Variants in LRRC59 observed in about 807,000 individuals in gnomAD.
The protein encoded by LRRC59 is leucine rich repeat containing 59.
Under a neutral mutation model 33.5 loss-of-function variants are expected in LRRC59, and 18 were observed. That is an observed-to-expected ratio of 0.54 (90% CI 0.37 to 0.80). LRRC59 has a LOEUF of 0.80. LRRC59 is among the 30% of genes least tolerant of loss of function. The pLI is 0.00. For synonymous variants in LRRC59, 138 were observed against 160.0 expected (o/e 0.86, Z 1.04); for missense variants, 330 against 391.9 (o/e 0.84, Z 1.33).
chr17:50,389,685 T>C (rs1445379590), intron 4 of LRRC59, among the ~76,000 whole-genome samples: 1 of 152,184 alleles, frequency 6.6e-6, no homozygotes, highest in Non-Finnish European at 1.5e-5. Flanking sequence ...GAGACAGACA[T>C]GTATATTCAT....
chr17:50,397,356 G>A lies in LRRC59; in HGVS notation c.-39C>T. The A allele has an allele frequency of 6.5e-7, 1 of 1,540,856 alleles. No individual in the cohort carries two copies. The highest frequency in any genetic ancestry group is 1.1e-5 in the South Asian group (1 of 86,960). ...GAGCGGGCCCCGGCTCCGGGGTTCC[G>A]GCGGGTGAAAGGAGCTGAAATGTCG... On this transcript the variant is annotated 5_prime_UTR_variant, in exon 1 of 7. Transcript: ENST00000225972.
intron 6 of LRRC59, among the ~76,000 whole-genome samples, chr17:50,384,847 AG>A (rs1473404850): frequency 6.6e-6 from 1 of 152,166 alleles, no homozygotes; most frequent in Non-Finnish European, 1.5e-5. Context: ...TCTAAAAAAA[AG>A]TGAGACTCTG....
chr17:50,389,567 A>T (rs982281280), intron 4 of LRRC59, among the ~76,000 whole-genome samples: 1 of 152,162 alleles, frequency 6.6e-6, no homozygotes, highest in African/African-American at 2.4e-5. Flanking sequence ...ACTGCTGCTT[A>T]TTTTCTTTAC....
At chr17:50,393,229 G>A (rs534981437) in intron 2 of LRRC59, among the ~76,000 whole-genome samples, 6 of 152,300 alleles carry the variant, frequency 3.9e-5, no homozygotes, top group Admixed American at 3.9e-4. Flanking sequence ...TGAAAATGCA[G>A]AGAACACCTA....
In LRRC59 at chr17:50,383,217, C is replaced by T. The variant is rs763581609; in HGVS notation, c.695G>A (p.Arg232His). The T allele has an allele frequency of 1.6e-5, 25 of 1,552,528 alleles. No homozygotes were observed. Among genetic ancestry groups the T allele is most frequent in the African/African-American group, 6.8e-5 (5 of 73,168 alleles). Residue 232 changes from arginine to histidine, a missense_variant, in exon 7 of 7, where the codon CGT (arginine) becomes CAT (histidine). Transcript: ENST00000225972. ...CTTCCGGGGTGGTGGCTTGCGGGGA[C>T]GGGAGCCAGACTTAGATTCTGGAGG... ...NQAPKSKSGSRPRKPPPRKHT... is the reference protein window; with the variant it reads ...NQAPKSKSGSHPRKPPPRKHT...
chr17:50,397,494 C>T lies in LRRC59; in HGVS notation c.-177G>A. The T allele has an allele frequency of 2.0e-6, 1 of 508,612 alleles. No homozygotes were observed. The highest frequency in any genetic ancestry group is 2.5e-5 in the South Asian group (1 of 39,748). The allele number at this position is 508,612 out of a possible 1,614,324, so 31.5% of individuals were successfully genotyped here. A position where few individuals can be genotyped will look rare whatever the true frequency, so the allele number is the denominator to read the frequency against. ...CACTCCGAGCCTCGCGCCTAGCTCC[C>T]ACCGGTGCCGCGACGACGACCACTT... On this transcript the variant is annotated 5_prime_UTR_variant, in exon 1 of 7. Transcript: ENST00000225972.
chr17:50,390,097 CAA>C (rs57027679), intron 4 of LRRC59, among the ~76,000 whole-genome samples: 21,458 of 84,756 alleles, frequency 0.25, 1,853 homozygotes, highest in Non-Finnish European at 0.32. Context: ...GACTCTGTCT[CAA>C]AAAAAAAAAA....
chr17:50,394,949 T>C lies in LRRC59; in HGVS notation c.145A>G (p.Asn49Asp). Reference sequence around the variant, plus strand: ...CTTACCGGTAGAGTAGTCAGTTTATTACAAGACAGATCCAGGATGGTGGCC... The same window carrying C: ...CTTACCGGTAGAGTAGTCAGTTTATCACAAGACAGATCCAGGATGGTGGCC... ...PKATILDLSC[N>D]KLTTLPSDFC... Residue 49 changes from asparagine to aspartate, a missense_variant, in exon 2 of 7, where the codon AAT becomes GAT. By Grantham distance (23) the Asn-to-Asp change is conservative (BLOSUM62 1). Coordinates refer to ENST00000225972, the MANE Select transcript of LRRC59 (RefSeq NM_018509.4). 1 of 1,608,728 alleles carries C rather than the reference T, an allele frequency of 6.2e-7. No individual in the cohort carries two copies. Among genetic ancestry groups the C allele is most frequent in the Non-Finnish European group, 8.5e-7 (1 of 1,176,166 alleles).
chr17:50,394,646 A>G (rs1032087438), intron 2 of LRRC59, among the ~76,000 whole-genome samples: 2 of 152,190 alleles, frequency 1.3e-5, no homozygotes, highest in African/African-American at 4.8e-5. Context: ...AAAAAAGATG[A>G]GCCCAGTAAG....
intron 5 of LRRC59, among the ~76,000 whole-genome samples, chr17:50,385,723 G>C (rs563996483): frequency 1.3e-5 from 2 of 152,134 alleles, no homozygotes; most frequent in Non-Finnish European, 2.9e-5. Context: ...ATGTGGTATG[G>C]GGGGACAAGT....
At position 50,381,865 on chromosome 17, in the gene LRRC59, C is replaced by G. The variant is rs1271227795; in HGVS notation, c.*1123G>C. On this transcript the variant is annotated 3_prime_UTR_variant, in exon 7 of 7. Transcript: ENST00000225972. ...TGCACCACTTTTCAGCTCCATGATGCTACTTGTTTCCCTTCATATCCTGTT... is the reference window on the plus strand; with the variant it reads ...TGCACCACTTTTCAGCTCCATGATGGTACTTGTTTCCCTTCATATCCTGTT... 3 of 152,676 alleles carry G rather than the reference C, an allele frequency of 2.0e-5. No individual in the cohort carries two copies. The highest frequency in any genetic ancestry group is 7.2e-5 in the African/African-American group (3 of 41,462). The allele number at this position is 152,676 out of a possible 1,614,324, so 9.5% of individuals were successfully genotyped here. A position where few individuals can be genotyped will look rare whatever the true frequency, so the allele number is the denominator to read the frequency against.
At chr17:50,388,545 AACAACCACC>A (rs1242647245) in intron 4 of LRRC59, among the ~76,000 whole-genome samples, 1 of 150,568 alleles carries the variant, frequency 6.6e-6, no homozygotes, top group Admixed American at 6.6e-5. Flanking sequence ...ATCTCAAAAC[AACAACCACC>A]ACCACCACCA....
Position 50,389,583 on chromosome 17 carries a change from G to A in LRRC59, c.430-1451C>T, listed in dbSNP as rs889406502. 2.6e-5 allele frequency among the ~76,000 whole-genome samples: 4 copies of A among 152,230 alleles called. No homozygotes were observed. The East Asian group carries it at 7.7e-4, about 29-fold the overall frequency. ...CTGCTGCTTATTTTCTTTACCATGT[G>A]AGTAAGAAAAAAGAAGAAAACCCAA... On this transcript the variant is annotated intron_variant, in intron 4 of 6. Coordinates refer to ENST00000225972, the MANE Select transcript of LRRC59 (RefSeq NM_018509.4).
At position 50,385,278 on chromosome 17, in the gene LRRC59, C is replaced by T. The variant is rs1353618965; in HGVS notation, c.516G>A (p.Lys172=). ...CCTTAGCTCGCTGCTTAGCCTCACG[C>T]TTCTTCTCTGCCTCTACAACAAAAC... ...RLEVEREAEK[K]REAKQRAKEA... The change falls in exon 6 of 7, where the codon AAG becomes AAA. Residue 172 remains lysine, a synonymous_variant. Coordinates refer to ENST00000225972, the MANE Select transcript of LRRC59 (RefSeq NM_018509.4). 1 of 1,613,642 alleles carries T rather than the reference C, an allele frequency of 6.2e-7. No individual in the cohort carries two copies. The highest frequency in any genetic ancestry group is 8.5e-7 in the Non-Finnish European group (1 of 1,179,992).
In LRRC59 at chr17:50,382,734, C is replaced by T. The variant is rs966030097; in HGVS notation, c.*254G>A. ...GCTATGTTTTCTCTCTCCCCACCCCCAAGCCTACTCCTTTAGGCATGCAGG... is the reference window on the plus strand; with the variant it reads ...GCTATGTTTTCTCTCTCCCCACCCCTAAGCCTACTCCTTTAGGCATGCAGG... On this transcript the variant is annotated 3_prime_UTR_variant, in exon 7 of 7. Coordinates refer to ENST00000225972, the MANE Select transcript of LRRC59 (RefSeq NM_018509.4). 4 of 530,892 alleles carry T rather than the reference C, an allele frequency of 7.5e-6. No individual in the cohort carries two copies. Among genetic ancestry groups the T allele is most frequent in the African/African-American group, 1.9e-5 (1 of 52,740 alleles). 32.9% of individuals were successfully genotyped at this position (530,892 alleles called of 1,614,324 possible).
intron 3 of LRRC59, 95 bp downstream of exon 3, chr17:50,392,644 G>A (rs536344961): frequency 1.9e-6 from 3 of 1,539,084 alleles, no homozygotes; most frequent in African/African-American, 1.4e-5. Flanking sequence ...GGACCAACAA[G>A]GGGGTATTTC....
At chr17:50,396,833 C>T (rs1385469342) in intron 1 of LRRC59, 1 of 298,808 alleles carries the variant, frequency 3.3e-6, no homozygotes, top group African/African-American at 2.1e-5. Flanking sequence ...ACCAGGAGGC[C>T]TACTCCCCTG....
Position 50,381,999 on chromosome 17 carries a change from T to C in LRRC59, c.*989A>G, listed in dbSNP as rs1225801299. On this transcript the variant is annotated 3_prime_UTR_variant, in exon 7 of 7. Transcript: ENST00000225972. ...AGAAGCAGGTTGCCTTTGAGGTATT[T>C]AGTCACACCAAGTACAACTAGAGCT... 1 of 152,650 alleles carries C rather than the reference T, an allele frequency of 6.6e-6. No individual in the cohort carries two copies. The highest frequency in any genetic ancestry group is 2.4e-5 in the African/African-American group (1 of 41,452). The allele number at this position is 152,650 out of a possible 1,614,324, so 9.5% of individuals were successfully genotyped here.
chr17:50,381,352 C>CA lies in LRRC59; in HGVS notation c.*1635dup, dbSNP rs1315954273. The CA allele has an allele frequency of 4.9e-6, 1 of 203,850 alleles. No individual in the cohort carries two copies. Among genetic ancestry groups the CA allele is most frequent in the Non-Finnish European group, 1.0e-5 (1 of 98,444 alleles). 12.6% of individuals were successfully genotyped at this position (203,850 alleles called of 1,614,324 possible). On this transcript the variant is annotated 3_prime_UTR_variant, in exon 7 of 7. Transcript: ENST00000225972. ...ACTGGGCTCAGCCACTGAGCTGCCT[C>CA]AACCGGCCAAGGAACGGGATTATGA...
Sources: allele counts gnomAD v4.1 joint callset (sites outside exome capture counted in the v4.1 genomes callset), GRCh38; gene constraint gnomAD v4.1.1; transcripts MANE v1.5; gene names NCBI Gene and HGNC (gene_info 2026-07-23, HGNC 2026-07-21).